The following C10orf90 variants were observed in gnomAD, a reference collection of about 807,000 sequenced individuals.
C10orf90 encodes the protein (E2-independent) E3 ubiquitin-conjugating enzyme FATS.
A neutral mutation model predicts 62.5 loss-of-function variants in C10orf90; 56 were observed. The observed-to-expected ratio is 0.90, with a 90% CI of 0.72 to 1.12. The LOEUF is 1.12. Ranked by LOEUF, C10orf90 falls within the 50% of genes most tolerant of loss-of-function variation. The probability of loss-of-function intolerance (pLI) is 0.00; values close to 1 mark genes in which losing one functional copy is unlikely to be tolerated. For synonymous variants in C10orf90, 386 were observed against 340.4 expected, an observed-to-expected ratio of 1.13 and a Z score of -1.47; for missense variants, 970 against 880.4, an observed-to-expected ratio of 1.10 and a Z score of -1.29.
intron 1 of C10orf90, among the ~76,000 whole-genome samples, chr10:126,656,050 G>C (rs1846390091): frequency 6.6e-6 from 1 of 152,084 alleles, no homozygotes; most frequent in Non-Finnish European, 1.5e-5. Context: ...ATTAGGGGAA[G>C]TGATAACTTC....
intron 2 of C10orf90, among the ~76,000 whole-genome samples, chr10:126,516,636 A>T (rs1182780878): frequency 1.3e-5 from 2 of 152,198 alleles, no homozygotes; most frequent in African/African-American, 4.8e-5. Context: ...TCCAGCAGGG[A>T]GGCGGAGGGA....
intron 2 of C10orf90, among the ~76,000 whole-genome samples, chr10:126,553,457 T>C (rs1864684603): frequency 6.6e-6 from 1 of 152,202 alleles, no homozygotes; most frequent in South Asian, 2.1e-4. Flanking sequence ...TTTCAGTTAA[T>C]GACAGACCAC....
chr10:126,550,775 G>A (rs1280941643), intron 2 of C10orf90, among the ~76,000 whole-genome samples: 1 of 152,170 alleles, frequency 6.6e-6, no homozygotes, highest in Non-Finnish European at 1.5e-5. Context: ...CTCCCAAAAT[G>A]CTGGGATTAC....
At chr10:126,561,889 G>A (rs1864909592) in intron 2 of C10orf90, among the ~76,000 whole-genome samples, 1 of 152,008 alleles carries the variant, frequency 6.6e-6, no homozygotes, top group Non-Finnish European at 1.5e-5. Flanking sequence ...AGTTAAGTTA[G>A]AAAGAACCCC....
chr10:126,577,914 G>A (rs972757635), intron 2 of C10orf90, among the ~76,000 whole-genome samples: 1 of 152,114 alleles, frequency 6.6e-6, no homozygotes, highest in Non-Finnish European at 1.5e-5. Flanking sequence ...AAGGGATTGT[G>A]TGGAATAGAT....
intron 2 of C10orf90, among the ~76,000 whole-genome samples, chr10:126,552,579 A>G (rs1864660718): frequency 6.6e-6 from 1 of 152,234 alleles, no homozygotes; most frequent in South Asian, 2.1e-4. Context: ...ACGCTGTCTT[A>G]TAAAGGATAC....
In C10orf90 at chr10:126,640,159, A is replaced by G. The variant is rs150848509; in HGVS notation, c.313+6406T>C. On this transcript the variant is annotated intron_variant, in intron 2 of 9. Transcript: ENST00000488181. ...AAAAGCAATGCTGCCTTTTTCCACC[A>G]CCGCTGTGCACGGCAGGGTGAATGC... 3.6e-3 allele frequency among the ~76,000 whole-genome samples: 545 copies of G among 152,324 alleles called. 4 individuals carry two copies. The highest frequency in any genetic ancestry group is 0.013 in the African/African-American group (533 of 41,572).
intron 2 of C10orf90, among the ~76,000 whole-genome samples, chr10:126,517,605 T>C (rs528308866): frequency 4.7e-4 from 72 of 152,110 alleles, no homozygotes; most frequent in Non-Finnish European, 9.3e-4. Flanking sequence ...TGGCCCAGGA[T>C]GACTCTTAGG....
chr10:126,665,603 A>C (rs184539588), intron 1 of C10orf90, among the ~76,000 whole-genome samples: 110 of 152,276 alleles, frequency 7.2e-4, no homozygotes, highest in African/African-American at 2.6e-3. Context: ...AACCGCTAGG[A>C]AACAATGATT....
chr10:126,641,142 G>T (rs1284695929), intron 2 of C10orf90, among the ~76,000 whole-genome samples: 2 of 152,176 alleles, frequency 1.3e-5, no homozygotes, highest in Non-Finnish European at 2.9e-5. Flanking sequence ...TTTACAAGTG[G>T]CTTCTTCTGG....
chr10:126,556,516 T>C (rs1363707937), intron 2 of C10orf90, among the ~76,000 whole-genome samples: 1 of 152,180 alleles, frequency 6.6e-6, no homozygotes, highest in Non-Finnish European at 1.5e-5. Flanking sequence ...AAATGTACGG[T>C]ATATAAAATT....
intron 2 of C10orf90, among the ~76,000 whole-genome samples, chr10:126,518,358 C>T (rs575529667): frequency 6.6e-6 from 1 of 152,290 alleles, no homozygotes; most frequent in Non-Finnish European, 1.5e-5. Flanking sequence ...TCAAGTCCAG[C>T]AGTGCTTGTT....
chr10:126,631,967 A>G (rs1254307695), intron 2 of C10orf90, among the ~76,000 whole-genome samples: 1 of 152,106 alleles, frequency 6.6e-6, no homozygotes, highest in Non-Finnish European at 1.5e-5. Context: ...GTGTAGCCGC[A>G]GATGCCCCAG....
intron 2 of C10orf90, among the ~76,000 whole-genome samples, chr10:126,628,728 G>T (rs1898293): frequency 1.4e-4 from 21 of 152,020 alleles, no homozygotes; most frequent in Non-Finnish European, 2.6e-4. Flanking sequence ...TGACCTGGGC[G>T]TCTCCCCAGC....
chr10:126,583,292 T>G (rs2134018256), intron 2 of C10orf90, among the ~76,000 whole-genome samples: 1 of 152,368 alleles, frequency 6.6e-6, no homozygotes, highest in East Asian at 1.9e-4. Context: ...TAAATCTCAA[T>G]GTAATAATTT....
chr10:126,497,508 G>A (rs1394799944), intron 4 of C10orf90, among the ~76,000 whole-genome samples: 1 of 152,178 alleles, frequency 6.6e-6, no homozygotes, highest in Non-Finnish European at 1.5e-5. Context: ...GACAGCTCCT[G>A]TTGCAGAAAA....
chr10:126,495,037 A>T (rs1861966002), intron 4 of C10orf90, among the ~76,000 whole-genome samples: 1 of 152,220 alleles, frequency 6.6e-6, no homozygotes, highest in South Asian at 2.1e-4. Flanking sequence ...AATATTTTTC[A>T]TGTTGCTATC....
chr10:126,612,136 C>A (rs1845447540), intron 2 of C10orf90, among the ~76,000 whole-genome samples: 1 of 152,154 alleles, frequency 6.6e-6, no homozygotes, highest in South Asian at 2.1e-4. Flanking sequence ...GCCTGACCAA[C>A]ATGGTGAAAC....
chr10:126,534,609 G>A (rs933359705), intron 2 of C10orf90, among the ~76,000 whole-genome samples: 94 of 152,220 alleles, frequency 6.2e-4, no homozygotes, highest in African/African-American at 2.1e-3. Context: ...TACAGAAAAA[G>A]CTCTCCCATA....
Sources: gnomAD v4.1 joint callset for allele counts (sites outside exome capture counted in the v4.1 genomes callset) on GRCh38, gnomAD v4.1.1 for gene constraint, MANE v1.5 for transcripts, NCBI Gene and HGNC (gene_info 2026-07-23, HGNC 2026-07-21) for gene names.